Variants in PIK3C3 observed in about 807,000 individuals in gnomAD.
PIK3C3 encodes phosphatidylinositol 3-kinase catalytic subunit type 3.
Under a neutral mutation model 126.1 loss-of-function variants are expected in PIK3C3, and 95 were observed. The observed-to-expected ratio is 0.75, with a 90% CI of 0.64 to 0.89. PIK3C3 has a LOEUF of 0.89. PIK3C3 is among the 40% of genes least tolerant of loss of function. The probability of loss-of-function intolerance (pLI) is 0.00; values close to 1 mark genes in which losing one functional copy is unlikely to be tolerated. For missense variants in PIK3C3, 829 were observed against 1,063.2 expected, an observed-to-expected ratio of 0.78 and a Z score of 3.06; for synonymous variants, 374 against 360.0, an observed-to-expected ratio of 1.04 and a Z score of -0.44.
At chr18:41,968,419 GT>G (rs1305134716) in intron 3 of PIK3C3, among the ~76,000 whole-genome samples, 8 of 152,258 alleles carry the variant, frequency 5.3e-5, no homozygotes, top group Admixed American at 5.2e-4. Context: ...TATATATGTG[GT>G]TTTTGTACTG....
chr18:42,034,068 G>A, intron 16 of PIK3C3, 111 bp downstream of exon 16: 1 of 647,478 alleles, frequency 1.5e-6, no homozygotes, highest in Non-Finnish European at 2.4e-6. Context: ...TATAATTCTA[G>A]TTGATTTAGT....
At chr18:42,032,107 T>C (rs1420899453) in intron 15 of PIK3C3, among the ~76,000 whole-genome samples, 1 of 152,168 alleles carries the variant, frequency 6.6e-6, no homozygotes, top group Non-Finnish European at 1.5e-5. Context: ...CACTGAGAAA[T>C]TGACATTTGA....
intron 4 of PIK3C3, among the ~76,000 whole-genome samples, chr18:41,977,545 G>C (rs1219777570): frequency 6.6e-6 from 1 of 152,030 alleles, no homozygotes; most frequent in Non-Finnish European, 1.5e-5. Flanking sequence ...GTCCAGACTG[G>C]AGTGCAGTGG....
chr18:41,962,807 A>T (rs1272876684), intron 3 of PIK3C3, among the ~76,000 whole-genome samples, 175 bp downstream of exon 3: 1 of 152,230 alleles, frequency 6.6e-6, no homozygotes, highest in Non-Finnish European at 1.5e-5. Flanking sequence ...TACAGGATAT[A>T]CAGATAGATT....
chr18:42,065,465 TATTA>T (rs1200167679), intron 23 of PIK3C3, among the ~76,000 whole-genome samples: 1 of 152,104 alleles, frequency 6.6e-6, no homozygotes, highest in Non-Finnish European at 1.5e-5. Flanking sequence ...TAAAATGAAA[TATTA>T]ATTGGGTAGG....
At chr18:41,986,380 A>G (rs1460650552) in intron 4 of PIK3C3, among the ~76,000 whole-genome samples, 1 of 152,140 alleles carries the variant, frequency 6.6e-6, no homozygotes, top group African/African-American at 2.4e-5. Context: ...TTTGAAAACC[A>G]GTTTGGAGCA....
At chr18:42,054,374 C>T (rs982474093) in intron 21 of PIK3C3, among the ~76,000 whole-genome samples, 1 of 150,866 alleles carries the variant, frequency 6.6e-6, no homozygotes, top group East Asian at 2.0e-4. Context: ...GGGCAAGTCT[C>T]TCTTTTCACA....
In PIK3C3 at chr18:42,074,599, AAAAC is replaced by A. The variant is rs201080542; in HGVS notation, c.2650-6519_2650-6516del. Among the ~76,000 whole-genome samples the A allele has an allele frequency of 4.8e-3, 725 of 152,318 alleles. 2 individuals carry two copies. Among genetic ancestry groups the A allele is most frequent in the Non-Finnish European group, 8.2e-3 (555 of 68,004 alleles). On this transcript the variant is annotated intron_variant, in intron 24 of 24. Coordinates refer to ENST00000262039, the MANE Select transcript of PIK3C3 (RefSeq NM_002647.4). ...AACCGATACATAAGTATGTAGCTGC[AAAAC>A]AAACTATTGCAGGTTTAAAGCATTA...
rs1373328732 is a variant in PIK3C3, at chr18:42,029,361, G to A, written c.1627G>A (p.Ala543Thr). 1.9e-6 allele frequency: 3 copies of A among 1,613,682 alleles called. No homozygotes were observed. Among genetic ancestry groups the A allele is most frequent in the Non-Finnish European group, 2.5e-6 (3 of 1,179,826 alleles). Residue 543 changes from alanine (A) to threonine (T), a missense_variant, in exon 15 of 25, where the codon GCT (alanine) becomes ACT (threonine). Coordinates refer to ENST00000262039, the MANE Select transcript of PIK3C3 (RefSeq NM_002647.4). ...KSVRVMRSLL[A>T]AQQTFVDRLV... ...TGTCAGAGTTATGCGTTCTTTGCTG[G>A]CTGCACAACAGACATTTGTAGATCG...
intron 24 of PIK3C3, among the ~76,000 whole-genome samples, chr18:42,076,111 T>TGCAC (rs1453486934): frequency 2.3e-4 from 18 of 79,320 alleles, no homozygotes; most frequent in Admixed American, 6.9e-4. Flanking sequence ...TATATATATA[T>TGCAC]ATATATATAT....
chr18:42,005,910 C>G (rs548420444), intron 10 of PIK3C3, among the ~76,000 whole-genome samples: 24 of 151,192 alleles, frequency 1.6e-4, no homozygotes, highest in Admixed American at 1.1e-3. Flanking sequence ...ACTGCTCAGT[C>G]TCTCCACCCC....
At position 42,081,918 on chromosome 18, in the gene PIK3C3, G is replaced by C. The variant is rs1250069256; in HGVS notation, c.*781G>C. The C allele has an allele frequency of 6.6e-6, 1 of 152,092 alleles. No individual in the cohort carries two copies. The highest frequency in any genetic ancestry group is 1.5e-5 in the Non-Finnish European group (1 of 67,994). 9.4% of individuals were successfully genotyped at this position (152,092 alleles called of 1,614,324 possible). Reference sequence around the variant, plus strand: ...GTAAGACAATGTAAATTGTCTTTCTGCAATAAATTTTTTGGATGCAAATTT... The same window carrying C: ...GTAAGACAATGTAAATTGTCTTTCTCCAATAAATTTTTTGGATGCAAATTT... On this transcript the variant is annotated 3_prime_UTR_variant, in exon 25 of 25. Coordinates refer to ENST00000262039, the MANE Select transcript of PIK3C3 (RefSeq NM_002647.4).
intron 22 of PIK3C3, among the ~76,000 whole-genome samples, chr18:42,063,429 G>A (rs1188264990): frequency 3.3e-5 from 5 of 152,118 alleles, no homozygotes; most frequent in Non-Finnish European, 7.4e-5. Flanking sequence ...AACATCTGTG[G>A]TATGCATTTA....
intron 4 of PIK3C3, among the ~76,000 whole-genome samples, chr18:41,973,934 A>G (rs895913173): frequency 6.6e-6 from 1 of 152,172 alleles, no homozygotes; most frequent in East Asian, 1.9e-4. Context: ...TGAATTTACT[A>G]TGATTGTTTC....
chr18:41,967,642 T>C (rs145762427), intron 3 of PIK3C3, among the ~76,000 whole-genome samples: 274 of 152,302 alleles, frequency 1.8e-3, no homozygotes, highest in African/African-American at 6.3e-3. Flanking sequence ...ATAATTGAAA[T>C]ACTGATTTGT....
Position 42,082,372 on chromosome 18 carries a change from G to A in PIK3C3, c.*1235G>A, listed in dbSNP as rs1198822340. ...GCCTCTTCAGAGTGGGGTTACCGGC[G>A]AGAGGGCAAGCATGTAATTAAGAGA... On this transcript the variant is annotated 3_prime_UTR_variant, in exon 25 of 25. Coordinates refer to ENST00000262039, the MANE Select transcript of PIK3C3 (RefSeq NM_002647.4). The A allele has an allele frequency of 1.3e-5, 2 of 152,120 alleles. No individual in the cohort carries two copies. Among genetic ancestry groups the A allele is most frequent in the East Asian group, 1.9e-4 (1 of 5,194 alleles). The allele number at this position is 152,120 out of a possible 1,614,324, so 9.4% of individuals were successfully genotyped here. A position where few individuals can be genotyped will look rare whatever the true frequency, so the allele number is the denominator to read the frequency against.
chr18:42,058,699 T>G (rs1292265539), intron 22 of PIK3C3, among the ~76,000 whole-genome samples: 1 of 152,174 alleles, frequency 6.6e-6, no homozygotes, highest in Non-Finnish European at 1.5e-5. Flanking sequence ...AATCTGTGCT[T>G]CCTTCTTGCT....
intron 14 of PIK3C3, among the ~76,000 whole-genome samples, chr18:42,028,385 CTG>C (rs1358984269): frequency 6.6e-6 from 1 of 152,012 alleles, no homozygotes; most frequent in African/African-American, 2.4e-5. Context: ...TTTATTTTTC[CTG>C]TGTTCGATTC....
intron 23 of PIK3C3, among the ~76,000 whole-genome samples, chr18:42,065,520 C>G (rs1332680527): frequency 1.3e-5 from 2 of 152,148 alleles, no homozygotes; most frequent in Non-Finnish European, 2.9e-5. Flanking sequence ...AGTCAGTAAA[C>G]TTAAAGATAA....
Sources: allele counts gnomAD v4.1 joint callset (sites outside exome capture counted in the v4.1 genomes callset), GRCh38; gene constraint gnomAD v4.1.1; transcripts MANE v1.5; gene names NCBI Gene and HGNC (gene_info 2026-07-23, HGNC 2026-07-21).